The following GBP6 variants were observed in gnomAD, a reference collection of about 807,000 sequenced individuals.
GBP6 encodes the protein guanylate binding protein family member 6, also known as guanylate-binding protein 6.
A neutral mutation model predicts 61.5 loss-of-function variants in GBP6; 54 were observed. That is an observed-to-expected ratio of 0.88 (90% CI 0.71 to 1.10). The LOEUF (loss-of-function observed/expected upper bound fraction) is 1.10, where lower values mean the gene tolerates loss of function less well. GBP6 is among the 50% of genes least tolerant of loss of function. The pLI is 0.00. For missense variants in GBP6, 748 were observed against 752.8 expected (o/e 0.99, Z 0.07); for synonymous variants, 255 against 273.7 (o/e 0.93, Z 0.67).
chr1:89,367,464 C>G (rs1470960412), intron 1 of GBP6, among the ~76,000 whole-genome samples: 2 of 152,114 alleles, frequency 1.3e-5, no homozygotes, highest in Non-Finnish European at 2.9e-5. Flanking sequence ...GCCATTTCTT[C>G]TTTGGATAAA....
rs376216270 is a variant in GBP6, at chr1:89,387,925, C to T, written c.*2456C>T. Among the ~76,000 whole-genome samples, 13 of 152,064 alleles carry T rather than the reference C, an allele frequency of 8.5e-5. No homozygotes were observed. Among genetic ancestry groups the T allele is most frequent in the African/African-American group, 2.7e-4 (11 of 41,402 alleles). ...TCCAGCCCGGGCAACAGAGCCTGGG[C>T]GACAGAGTGAGGCTCTGTCTCAAAA... On this transcript the variant is annotated 3_prime_UTR_variant, in exon 11 of 11. Coordinates refer to ENST00000370456, the MANE Select transcript of GBP6 (RefSeq NM_198460.3).
Position 89,385,368 on chromosome 1 carries a change from G to A in GBP6, c.1801G>A (p.Ala601Thr), listed in dbSNP as rs148760203. Residue 601 changes from alanine to threonine, a missense_variant, in exon 11 of 11, where the codon GCC (alanine) becomes ACC (threonine). Coordinates refer to ENST00000370456, the MANE Select transcript of GBP6 (RefSeq NM_198460.3). ...PWIARTLDNL[A>T]DELTAILSAP... Reference sequence around the variant, plus strand: ...GATTGCACGAACCTTGGACAACCTTGCCGATGAGCTAACTGCAATATTGTC... The same window carrying A: ...GATTGCACGAACCTTGGACAACCTTACCGATGAGCTAACTGCAATATTGTC... 25 of 1,614,002 alleles carry A rather than the reference G, an allele frequency of 1.5e-5. No homozygotes were observed. The African/African-American group carries it at 1.7e-4, about 11-fold the overall frequency.
At position 89,369,672 on chromosome 1, in the gene GBP6, A is replaced by T; in HGVS notation, c.317A>T (p.Lys106Met). The T allele has an allele frequency of 1.2e-6, 2 of 1,613,544 alleles. No homozygotes were observed. Among genetic ancestry groups the T allele is most frequent in the Non-Finnish European group, 1.7e-6 (2 of 1,179,660 alleles). The change falls in exon 3 of 11, where the codon AAG becomes ATG. Residue 106 changes from lysine (K) to methionine (M), a missense_variant and splice_region_variant. Lys to Met is a moderately conservative substitution (Grantham distance 95). Transcript: ENST00000370456. ...LDTEGLGDVE[K>M]GDPKNDSWIF... is the part of the protein sequence containing the mutation. ...ACCGAAGGTCTGGGCGATGTGGAAAAGGTAAGACAGAGAGTCATAGACAGG... is the reference window on the plus strand; with the variant it reads ...ACCGAAGGTCTGGGCGATGTGGAAATGGTAAGACAGAGAGTCATAGACAGG...
intron 1 of GBP6, among the ~76,000 whole-genome samples, chr1:89,367,203 G>A (rs372625831): frequency 6.6e-6 from 1 of 152,266 alleles, no homozygotes; most frequent in South Asian, 2.1e-4. Context: ...AATGTTAATT[G>A]TATGTTTGGT....
intron 3 of GBP6, among the ~76,000 whole-genome samples, chr1:89,371,784 A>G (rs537755737): frequency 6.6e-6 from 1 of 152,352 alleles, no homozygotes; most frequent in Admixed American, 6.5e-5. Flanking sequence ...CACCACTCCT[A>G]TTCAACATAG....
intron 8 of GBP6, among the ~76,000 whole-genome samples, chr1:89,383,220 C>T (rs979367103): frequency 5.5e-5 from 3 of 54,320 alleles, no homozygotes; most frequent in African/African-American, 2.2e-4. Flanking sequence ...TAAGAAGCAC[C>T]TTTATTTGGA....
rs1030723752 is a variant in GBP6, at chr1:89,378,292, C to T, written c.428+80C>T. 12 of 1,534,778 alleles carry T rather than the reference C, an allele frequency of 7.8e-6. No homozygotes were observed. In the Admixed American group the frequency reaches 1.6e-4, roughly 21 times the overall value. ...GGAGATCAAGTCATTTCCTCCTTCC[C>T]TTTGATGTAATTACCTGTGGTGCAG... On this transcript the variant is annotated intron_variant, in intron 4 of 10. Coordinates refer to ENST00000370456, the MANE Select transcript of GBP6 (RefSeq NM_198460.3).
intron 3 of GBP6, among the ~76,000 whole-genome samples, chr1:89,371,034 C>A (rs1308876935): frequency 6.6e-6 from 1 of 152,180 alleles, no homozygotes; most frequent in Non-Finnish European, 1.5e-5. Flanking sequence ...TTATACTCTG[C>A]TGCTATGAGT....
intron 5 of GBP6, among the ~76,000 whole-genome samples, chr1:89,380,098 A>T (rs1652921595): frequency 6.6e-6 from 1 of 152,202 alleles, no homozygotes; most frequent in South Asian, 2.1e-4. Flanking sequence ...TGATTGTGCC[A>T]CTGCCCTCTA....
intron 8 of GBP6, among the ~76,000 whole-genome samples, 187 bp from the exon 9 acceptor site, chr1:89,383,465 A>G (rs923930484): frequency 8.5e-5 from 13 of 152,262 alleles, no homozygotes; most frequent in African/African-American, 2.9e-4. Context: ...AAGGCACTGG[A>G]GGGAGACAGG....
Position 89,370,202 on chromosome 1 carries a change from GCTGACAC to G in GBP6, c.318+533_318+539del, listed in dbSNP as rs1468702451. 6.6e-5 allele frequency among the ~76,000 whole-genome samples: 10 copies of G among 152,300 alleles called. No homozygotes were observed. In the East Asian group the frequency reaches 1.5e-3, roughly 23 times the overall value. On this transcript the variant is annotated intron_variant, in intron 3 of 10. Coordinates refer to ENST00000370456, the MANE Select transcript of GBP6 (RefSeq NM_198460.3). Reference sequence around the variant, plus strand: ...CCTGGAAAACTTTCTCATTAAGAGAGCTGACACCTGTGATCCAGGCAGCACCTCACAG... The same window carrying G: ...CCTGGAAAACTTTCTCATTAAGAGAGCTGTGATCCAGGCAGCACCTCACAG...
At chr1:89,373,278 C>T (rs1178409520) in intron 3 of GBP6, among the ~76,000 whole-genome samples, 2 of 152,126 alleles carry the variant, frequency 1.3e-5, no homozygotes, top group African/African-American at 2.4e-5. Context: ...GGATCTAGAA[C>T]TAGAAATACC....
At chr1:89,367,389 T>C (rs12758062) in intron 1 of GBP6, among the ~76,000 whole-genome samples, 32,288 of 152,150 alleles carry the variant, frequency 0.21, 4,296 homozygotes, top group Admixed American at 0.33. Flanking sequence ...ATGTACCTCA[T>C]TGTAGTTTTG....
chr1:89,371,263 CTA>C (rs1217975327), intron 3 of GBP6, among the ~76,000 whole-genome samples: 1 of 152,162 alleles, frequency 6.6e-6, no homozygotes, highest in Non-Finnish European at 1.5e-5. Flanking sequence ...CCTTCTGAAA[CTA>C]TTCCAATCAA....
chr1:89,377,797 GA>G (rs1190027756), intron 3 of GBP6, among the ~76,000 whole-genome samples: 2 of 152,122 alleles, frequency 1.3e-5, no homozygotes, highest in East Asian at 3.9e-4. Context: ...GTAGACTGAA[GA>G]AGTGTTAACA....
chr1:89,373,508 C>T (rs1293225188), intron 3 of GBP6, among the ~76,000 whole-genome samples: 1 of 152,174 alleles, frequency 6.6e-6, no homozygotes, highest in Non-Finnish European at 1.5e-5. Flanking sequence ...AGTTCATGTC[C>T]TTTGTAGGCA....
intron 1 of GBP6, among the ~76,000 whole-genome samples, chr1:89,365,018 G>A (rs930004756): frequency 1.7e-4 from 3 of 17,920 alleles, no homozygotes; most frequent in Non-Finnish European, 3.5e-4. Context: ...ACCCCCCGCC[G>A]CCCGTGTCCA....
At chr1:89,383,840 G>C (rs1653057385) in intron 9 of GBP6, 86 bp downstream of exon 9, 5 of 1,072,972 alleles carry the variant, frequency 4.7e-6, no homozygotes, top group Non-Finnish European at 6.9e-6. Context: ...TTCCCAAAAT[G>C]AGGAATTTCC....
rs753350364 is a variant in GBP6 at position 89,381,873 on chromosome 1, G to C, written c.1051G>C (p.Glu351Gln). 1.9e-6 allele frequency: 3 copies of C among 1,614,144 alleles called. No homozygotes were observed. The highest frequency in any genetic ancestry group is 2.2e-5 in the East Asian group (1 of 44,882). The part of the protein sequence containing the change: ...RVKLPTDTLQ[E>Q]LLDMHAACER... ...GAAGCTCCCCACAGACACGCTCCAG[G>C]AGCTGCTGGACATGCATGCGGCCTG... Residue 351 changes from glutamate to glutamine, a missense_variant, in exon 7 of 11, where the codon GAG becomes CAG. By Grantham distance (29) the Glu-to-Gln change is conservative. Coordinates refer to ENST00000370456, the MANE Select transcript of GBP6 (RefSeq NM_198460.3).
Sources: allele counts gnomAD v4.1 joint callset (sites outside exome capture counted in the v4.1 genomes callset), GRCh38; gene constraint gnomAD v4.1.1; transcripts MANE v1.5; gene names NCBI Gene and HGNC (gene_info 2026-07-23, HGNC 2026-07-21).